Variants in WASF1 observed in about 807,000 individuals in gnomAD.
WASF1 encodes WASP family member 1.
A neutral mutation model predicts 50.5 loss-of-function variants in WASF1; 7 were observed. The ratio of observed to expected loss-of-function variants is 0.14; its 90% CI spans 0.08 to 0.26. The LOEUF (loss-of-function observed/expected upper bound fraction) is 0.26. Ranked by LOEUF, WASF1 falls within the 10% of genes least tolerant of loss-of-function variation. The probability of loss-of-function intolerance (pLI) is 1.00; values close to 1 mark genes in which losing one functional copy is unlikely to be tolerated. For synonymous variants in WASF1, 205 were observed against 244.0 expected, an observed-to-expected ratio of 0.84 and a Z score of 1.49; for missense variants, 470 against 694.7, an observed-to-expected ratio of 0.68 and a Z score of 3.64.
intron 3 of WASF1, among the ~76,000 whole-genome samples, chr6:110,153,309 T>C (rs1775906702): frequency 6.6e-6 from 1 of 152,166 alleles, no homozygotes. Context: ...GAAATAATAA[T>C]GGCAAAATAG....
At chr6:110,152,420 T>C (rs1382559721) in intron 3 of WASF1, among the ~76,000 whole-genome samples, 1 of 152,208 alleles carries the variant, frequency 6.6e-6, no homozygotes, top group Non-Finnish European at 1.5e-5. Context: ...TTATTTCATA[T>C]ATGTCTGTAT....
chr6:110,164,829 G>T (rs2114609862), intron 2 of WASF1, among the ~76,000 whole-genome samples: 1 of 151,700 alleles, frequency 6.6e-6, no homozygotes, highest in South Asian at 2.1e-4. Flanking sequence ...AAAATAAAGT[G>T]TGGTACACCC....
At chr6:110,148,619 C>T (rs1192098573) in intron 3 of WASF1, among the ~76,000 whole-genome samples, 2 of 151,950 alleles carry the variant, frequency 1.3e-5, no homozygotes, top group African/African-American at 4.8e-5. Flanking sequence ...TTAGGTAGGA[C>T]CTTGAAGGTC....
At chr6:110,106,977 A>G in intron 7 of WASF1, 100 bp downstream of exon 7, 1 of 871,064 alleles carries the variant, frequency 1.1e-6, no homozygotes, top group East Asian at 2.5e-5. Context: ...TGGACCCAAT[A>G]AAATAAAACT....
At chr6:110,147,823 T>C (rs1425756603) in intron 3 of WASF1, among the ~76,000 whole-genome samples, 1 of 152,216 alleles carries the variant, frequency 6.6e-6, no homozygotes, top group East Asian at 1.9e-4. Context: ...CACAACTCAC[T>C]GCAGCTTCAA....
chr6:110,120,391 C>T (rs1774041507), intron 4 of WASF1, among the ~76,000 whole-genome samples: 1 of 152,038 alleles, frequency 6.6e-6, no homozygotes, highest in South Asian at 2.1e-4. Context: ...TCTTATACAC[C>T]AATAACAGAC....
intron 3 of WASF1, among the ~76,000 whole-genome samples, chr6:110,143,890 C>T (rs565482105): frequency 5.3e-5 from 8 of 152,226 alleles, no homozygotes; most frequent in African/African-American, 1.9e-4. Context: ...GGTTCCAAGT[C>T]TTTGCTATTG....
At chr6:110,178,384 CA>C (rs541860159) in intron 2 of WASF1, among the ~76,000 whole-genome samples, 4 of 152,044 alleles carry the variant, frequency 2.6e-5, no homozygotes, top group Non-Finnish European at 5.9e-5. Flanking sequence ...ATGCTATGAA[CA>C]ATCAGAAAAA....
intron 3 of WASF1, among the ~76,000 whole-genome samples, chr6:110,133,186 T>TTG (rs1296365533): frequency 6.6e-6 from 1 of 152,090 alleles, no homozygotes; most frequent in Non-Finnish European, 1.5e-5. Flanking sequence ...AATTATAAAT[T>TTG]TGTGCTGCTA....
intron 3 of WASF1, among the ~76,000 whole-genome samples, chr6:110,150,325 A>C (rs1584004998): frequency 6.6e-6 from 1 of 152,234 alleles, no homozygotes; most frequent in Non-Finnish European, 1.5e-5. Context: ...AAAGTAGACT[A>C]AGGTAAATTA....
intron 2 of WASF1, among the ~76,000 whole-genome samples, chr6:110,174,348 T>C (rs1296415534): frequency 6.6e-6 from 1 of 152,150 alleles, no homozygotes; most frequent in Non-Finnish European, 1.5e-5. Context: ...TCCAAGAGAA[T>C]AGAGACCTGT....
In WASF1 at chr6:110,102,166, C is replaced by T. The variant is rs752775404; in HGVS notation, c.944G>A (p.Arg315Lys). 1 of 1,440,382 alleles carries T rather than the reference C, an allele frequency of 6.9e-7. No homozygotes were observed. The highest frequency in any genetic ancestry group is 2.6e-5 in the Admixed American group (1 of 37,820). 89.2% of individuals were successfully genotyped at this position (1,440,382 alleles called of 1,614,324 possible). The change falls in exon 10 of 11, where the codon AGA becomes AAA. Residue 315 changes from arginine to lysine, a missense_variant. Around this residue, in one of 3 missense-constraint regions of WASF1, gnomAD observed 294 missense variants for 343.5 expected, o/e 0.86. Transcript: ENST00000392589. ...ENRPQSPATG[R>K]TPVFVSPTPP... Reference sequence around the variant, plus strand: ...AGTGGGGCTCACAAACACAGGTGTTCTGCCTGTAGCTGGTGACTGAGGGCG... The same window carrying T: ...AGTGGGGCTCACAAACACAGGTGTTTTGCCTGTAGCTGGTGACTGAGGGCG...
intron 4 of WASF1, among the ~76,000 whole-genome samples, chr6:110,118,789 T>TG (rs200729939): frequency 0.073 from 11,108 of 152,086 alleles, 552 homozygotes; most frequent in African/African-American, 0.14. Context: ...ACCACATAAT[T>TG]GTAGTAAAAC....
intron 2 of WASF1, among the ~76,000 whole-genome samples, chr6:110,171,184 T>C (rs979841223): frequency 6.6e-6 from 1 of 152,100 alleles, no homozygotes; most frequent in Non-Finnish European, 1.5e-5. Context: ...TTCTGGGCCA[T>C]AAAACACACC....
intron 3 of WASF1, among the ~76,000 whole-genome samples, chr6:110,153,745 T>G (rs865872281): frequency 9.9e-5 from 15 of 151,522 alleles, no homozygotes; most frequent in South Asian, 2.1e-4. Context: ...TTCTACAATG[T>G]GCTGCTACAT....
intron 3 of WASF1, among the ~76,000 whole-genome samples, chr6:110,145,127 T>C (rs569598423): frequency 6.6e-6 from 1 of 152,328 alleles, no homozygotes; most frequent in Non-Finnish European, 1.5e-5. Flanking sequence ...TATCCTCTTT[T>C]ATTTCATTGA....
intron 3 of WASF1, among the ~76,000 whole-genome samples, chr6:110,134,458 CTT>C (rs1206275787): frequency 1.3e-5 from 2 of 148,454 alleles, no homozygotes; most frequent in African/African-American, 5.0e-5. Flanking sequence ...GAGTTTCGCT[CTT>C]GTTGCCCAGA....
chr6:110,165,554 C>T (rs1158033231), intron 2 of WASF1, among the ~76,000 whole-genome samples: 1 of 151,728 alleles, frequency 6.6e-6, no homozygotes, highest in East Asian at 1.9e-4. Flanking sequence ...TATCTTTTCT[C>T]ACTCTACCTA....
At chr6:110,124,960 T>C (rs6924544) in intron 4 of WASF1, among the ~76,000 whole-genome samples, 2,030 of 152,248 alleles carry the variant, frequency 0.013, 51 homozygotes, top group African/African-American at 0.047. Context: ...GTCAGGAAGA[T>C]ATCCAGCCCT....
Sources: gnomAD v4.1 joint callset for allele counts (sites outside exome capture counted in the v4.1 genomes callset) on GRCh38, gnomAD v4.1.1 for gene constraint, gnomAD v4.1.1 regional missense constraint, MANE v1.5 for transcripts, NCBI Gene and HGNC (gene_info 2026-07-23, HGNC 2026-07-21) for gene names.